PTPN6: variants seen among roughly 807,000 people sequenced by gnomAD.
PTPN6 encodes the protein tyrosine-protein phosphatase non-receptor type 6.
Under a neutral mutation model 81.5 loss-of-function variants are expected in PTPN6, and 18 were observed. The observed-to-expected ratio is 0.22, with a 90% CI of 0.15 to 0.33. The LOEUF (loss-of-function observed/expected upper bound fraction) is 0.33, where lower values mean the gene tolerates loss of function less well. Among genes scored for constraint, PTPN6 ranks in the 10% least tolerant of loss-of-function variants. PTPN6 has a pLI of 1.00. For missense variants in PTPN6, 500 were observed against 794.2 expected (o/e 0.63, Z 4.45); for synonymous variants, 301 against 310.9 (o/e 0.97, Z 0.33).
chr12:6,958,362 G>A (rs781968449), intron 11 of PTPN6, among the ~76,000 whole-genome samples: 184 of 152,328 alleles, frequency 1.2e-3, no homozygotes, highest in African/African-American at 4.0e-3. Context: ...CCCAGTTGCT[G>A]GCCAGGCCCA....
In PTPN6 at chr12:6,960,019, G is replaced by A. The variant is rs1555149427; in HGVS notation, c.1429+25G>A. The A allele has an allele frequency of 3.7e-6, 6 of 1,611,520 alleles. No homozygotes were observed. Among genetic ancestry groups the A allele is most frequent in the Middle Eastern group, 1.8e-4 (1 of 5,598 alleles). ...GGTGAGGGGCACCTGGGGGTTTGGG[G>A]GTGGGGGGTGAGCAGCCCCTCGGTG... On this transcript the variant is annotated intron_variant, in intron 12 of 15. Transcript: ENST00000318974. This position sits in a 1 kb window ranked among gnomAD's most constrained non-coding sequence, Gnocchi z 6.1.
In PTPN6 at chr12:6,960,276, G is replaced by T; in HGVS notation, c.1581+37G>T. ...GCAGGGCCTGGGGGGGGGGGGGGCT[G>T]CAGTGCAGGATGGGTGCCACCTGGC... On this transcript the variant is annotated intron_variant, in intron 13 of 15. Transcript: ENST00000318974. This position sits in a 1 kb window ranked among gnomAD's most constrained non-coding sequence, Gnocchi z 6.1. 2 of 1,605,520 alleles carry T rather than the reference G, an allele frequency of 1.2e-6. No homozygotes were observed. Among genetic ancestry groups the T allele is most frequent in the Non-Finnish European group, 8.5e-7 (1 of 1,177,360 alleles).
Position 6,951,764 on chromosome 12 carries a change from G to C in PTPN6, c.131+33G>C. On this transcript the variant is annotated intron_variant, in intron 2 of 15. Transcript: ENST00000318974. This position sits in a 1 kb window ranked among gnomAD's most constrained non-coding sequence, Gnocchi z 7.2. ...GGCCCCCCGCAACCCCGGGCATTTT[G>C]GCCACTCTCTTGTGCCATCCAGGCC... 6.2e-7 allele frequency: 1 copy of C among 1,607,374 alleles called. No homozygotes were observed. Among genetic ancestry groups the C allele is most frequent in the East Asian group, 2.2e-5 (1 of 44,874 alleles).
chr12:6,957,629 T>TGGCCCCCCCC lies in PTPN6; in HGVS notation c.1075-25_1075-24insGGCCCCCCCC. 1 of 1,521,460 alleles carries TGGCCCCCCCC rather than the reference T, an allele frequency of 6.6e-7. No homozygotes were observed. The highest frequency in any genetic ancestry group is 9.0e-7 in the Non-Finnish European group (1 of 1,105,626). The allele number at this position is 1,521,460 out of a possible 1,614,324, so 94.2% of individuals were successfully genotyped here. A position where few individuals can be genotyped will look rare whatever the true frequency, so the allele number is the denominator to read the frequency against. Reference sequence around the variant, plus strand: ...CCACAGTGCCCTGCTCTGTGCCTCATCCCCACCCGACCCTCCCTTTCCAGA... The same window carrying TGGCCCCCCCC: ...CCACAGTGCCCTGCTCTGTGCCTCATGGCCCCCCCCCCCCACCCGACCCTCCCTTTCCAGA... On this transcript the variant is annotated intron_variant, in intron 9 of 15. Transcript: ENST00000318974. This position sits in a 1 kb window ranked among gnomAD's most constrained non-coding sequence, Gnocchi z 6.5.
chr12:6,948,527 GAAAGA>G (rs1945866059), upstream of PTPN6, among the ~76,000 whole-genome samples: 1 of 138,354 alleles, frequency 7.2e-6, no homozygotes, highest in South Asian at 2.3e-4. Flanking sequence ...CGAGAAAGAA[GAAAGA>G]AAAGGAAGGA....
rs1946093586 is a variant in PTPN6 at position 6,959,672 on chromosome 12, G to T, written c.1362-255G>T. Reference sequence around the variant, plus strand: ...CACTCACTAGGAGTGAGGAGTCGGCGCGAGGAGTGGAGGAGGGAAGGATGG... The same window carrying T: ...CACTCACTAGGAGTGAGGAGTCGGCTCGAGGAGTGGAGGAGGGAAGGATGG... On this transcript the variant is annotated intron_variant, in intron 11 of 15. Coordinates refer to ENST00000318974, the MANE Select transcript of PTPN6 (RefSeq NM_002831.6). This position sits in a 1 kb window ranked among gnomAD's most constrained non-coding sequence, Gnocchi z 6.6. 1 of 587,568 alleles carries T rather than the reference G, an allele frequency of 1.7e-6. No individual in the cohort carries two copies. The highest frequency in any genetic ancestry group is 2.8e-5 in the East Asian group (1 of 35,180). The allele number at this position is 587,568 out of a possible 1,614,324, so 36.4% of individuals were successfully genotyped here.
rs1326097283 is a variant in PTPN6 at position 6,960,877 on chromosome 12, C to T, written c.1745C>T (p.Ser582Leu). 7.0e-6 allele frequency: 11 copies of T among 1,579,726 alleles called. No homozygotes were observed. In the Admixed American group the frequency reaches 1.8e-4, roughly 26 times the overall value. Residue 582 changes from serine (S) to leucine (L), a missense_variant, in exon 15 of 16, where the codon TCA becomes TTA. Around this residue, in one of 6 missense-constraint regions of PTPN6, gnomAD observed 56 missense variants for 56.4 expected, o/e 0.99. Transcript: ENST00000318974. The surrounding 1 kb of genome is among the most constrained non-coding windows in gnomAD (Gnocchi z 6.1). Reference protein sequence around the residue: ...KREEKVKKQRSADKEKSKGSL... With the variant: ...KREEKVKKQRLADKEKSKGSL... ...GAGGAGAAAGTGAAGAAGCAGCGGT[C>T]AGCAGACAAGGAGAAGAGCAAGGGT... is the stretch of plus-strand genomic sequence containing the variant.
upstream of PTPN6, among the ~76,000 whole-genome samples, chr12:6,947,574 T>G (rs371739028): frequency 2.7e-5 from 4 of 147,508 alleles, no homozygotes; most frequent in East Asian, 6.0e-4. Context: ...GAGGCTAAGG[T>G]GAGAGGCTTG....
intron 11 of PTPN6, 111 bp downstream of exon 11, chr12:6,958,184 C>T (rs1264895345): frequency 1.8e-5 from 26 of 1,418,946 alleles, no homozygotes; most frequent in Admixed American, 3.9e-5. Flanking sequence ...GAGTGCCCTC[C>T]GCTCACCCCC....
At position 6,955,785 on chromosome 12, in the gene PTPN6, A is replaced by G; in HGVS notation, c.844+29A>G. The stretch of plus-strand genomic sequence containing the variant: ...AGCACCCAGGCTGCCCCATTCACCC[A>G]GGATACCGCCCCTGCCCCAGCTGCC... On this transcript the variant is annotated intron_variant, in intron 7 of 15. Coordinates refer to ENST00000318974, the MANE Select transcript of PTPN6 (RefSeq NM_002831.6). This position sits in a 1 kb window ranked among gnomAD's most constrained non-coding sequence, Gnocchi z 7.2. 1 of 1,598,706 alleles carries G rather than the reference A, an allele frequency of 6.3e-7. No individual in the cohort carries two copies. Among genetic ancestry groups the G allele is most frequent in the South Asian group, 1.1e-5 (1 of 90,780 alleles).
chr12:6,955,201 C>T lies in PTPN6; in HGVS notation c.567C>T (p.Asp189=). 1.9e-6 allele frequency: 3 copies of T among 1,614,230 alleles called. No individual in the cohort carries two copies. The highest frequency in any genetic ancestry group is 2.5e-6 in the Non-Finnish European group (3 of 1,180,038). The change falls in exon 5 of 16, where the codon GAC becomes GAT. Residue 189 remains aspartate (D), a synonymous_variant. Transcript: ENST00000318974. This position sits in a 1 kb window ranked among gnomAD's most constrained non-coding sequence, Gnocchi z 7.2. ...TGGAGACCTTCGACAGCCTCACGGACCTGGTGGAGCATTTCAAGAAGACGG... is the reference window on the plus strand; with the variant it reads ...TGGAGACCTTCGACAGCCTCACGGATCTGGTGGAGCATTTCAAGAAGACGG... The part of the protein sequence containing the change: ...GGLETFDSLT[D]LVEHFKKTGI...
At chr12:6,958,198 T>C in intron 11 of PTPN6, 125 bp downstream of exon 11, 1 of 1,330,174 alleles carries the variant, frequency 7.5e-7, no homozygotes, top group Non-Finnish European at 1.0e-6. Flanking sequence ...CACCCCCGGC[T>C]TCTCCTGGGT....
upstream of PTPN6, among the ~76,000 whole-genome samples, chr12:6,949,106 G>T (rs1436031244): frequency 2.0e-5 from 3 of 152,262 alleles, no homozygotes; most frequent in Middle Eastern, 6.8e-3. Flanking sequence ...CACCGATGGG[G>T]TTCCTACTGA....
Position 6,960,696 on chromosome 12 carries a change from G to A in PTPN6, c.1674-110G>A, listed in dbSNP as rs111262295. ...AGTCTAGTGCAGGGACCGTGGCTGC[G>A]TCACCTGTGAGACGGGGTGGCCAGA... On this transcript the variant is annotated intron_variant, in intron 14 of 15. Transcript: ENST00000318974. This position sits in a 1 kb window ranked among gnomAD's most constrained non-coding sequence, Gnocchi z 6.1. 778 of 1,551,528 alleles carry A rather than the reference G, an allele frequency of 5.0e-4. 5 individuals are homozygous for A. The African/African-American group carries it at 8.2e-3, about 16-fold the overall frequency.
chr12:6,956,965 T>C lies in PTPN6; in HGVS notation c.1074+397T>C, dbSNP rs1013331538. ...GTGACACAAACTGGGTCAAGTTCCT[T>C]CCTTTCTGAAATCTCTTCCATGGCT... On this transcript the variant is annotated intron_variant, in intron 9 of 15. Transcript: ENST00000318974. This position sits in a 1 kb window ranked among gnomAD's most constrained non-coding sequence, Gnocchi z 4.1. Among the ~76,000 whole-genome samples the C allele has an allele frequency of 2.0e-5, 3 of 152,118 alleles. No individual in the cohort carries two copies. The highest frequency in any genetic ancestry group is 2.9e-5 in the Non-Finnish European group (2 of 68,026).
Position 6,951,819 on chromosome 12 carries a change from C to A in PTPN6, c.131+88C>A. The A allele has an allele frequency of 6.3e-7, 1 of 1,595,326 alleles. No individual in the cohort carries two copies. The highest frequency in any genetic ancestry group is 8.5e-7 in the Non-Finnish European group (1 of 1,174,118). On this transcript the variant is annotated intron_variant, in intron 2 of 15. Coordinates refer to ENST00000318974, the MANE Select transcript of PTPN6 (RefSeq NM_002831.6). The surrounding 1 kb of genome is among the most constrained non-coding windows in gnomAD (Gnocchi z 7.2). ...ACCACTCATTCCTGGTTCCCCGTGGCAGTGCTGACTCCCCGTCTGTTCCCT... is the reference window on the plus strand; with the variant it reads ...ACCACTCATTCCTGGTTCCCCGTGGAAGTGCTGACTCCCCGTCTGTTCCCT...
chr12:6,951,185 C>T (rs782101748), upstream of PTPN6: 66 of 1,353,070 alleles, frequency 4.9e-5, no homozygotes, highest in Non-Finnish European at 6.3e-5. The surrounding 1 kb of genome is among the most constrained non-coding windows in gnomAD (Gnocchi z 7.2). Flanking sequence ...ATGCCATGCT[C>T]CTGAGCCTTT....
Position 6,955,407 on chromosome 12 carries a change from T to C in PTPN6, c.669T>C (p.Ile223=). Residue 223 remains isoleucine, a synonymous_variant, in exon 6 of 16, where the codon ATT becomes ATC. Transcript: ENST00000318974. The surrounding 1 kb of genome is among the most constrained non-coding windows in gnomAD (Gnocchi z 7.2). ...CCACGAGGGTGAATGCGGCTGACAT[T>C]GAGAACCGAGTGTTGGAACTGAACA... ...YYATRVNAAD[I]ENRVLELNKK... 2 of 1,614,004 alleles carry C rather than the reference T, an allele frequency of 1.2e-6. No homozygotes were observed.
rs62621988 is a variant in PTPN6 at position 6,958,063 on chromosome 12, G to C, written c.1351G>C (p.Val451Leu). 5.6e-6 allele frequency: 9 copies of C among 1,611,494 alleles called. No homozygotes were observed. The Admixed American group carries it at 1.5e-4, about 27-fold the overall frequency. ...ESLPHAGPII[V>L]HCSAGIGRTG... ...TCTGCCTCACGCAGGGCCCATCATC[G>C]TGCACTGCAGGTGAGGATGATAATC... The change falls in exon 11 of 16, where the codon GTG (valine) becomes CTG (leucine). Residue 451 changes from valine to leucine, a missense_variant. Val to Leu is a conservative substitution (Grantham distance 32). Coordinates refer to ENST00000318974, the MANE Select transcript of PTPN6 (RefSeq NM_002831.6).
Sources: gnomAD v4.1 joint callset for allele counts (sites outside exome capture counted in the v4.1 genomes callset) on GRCh38, gnomAD v4.1.1 for gene constraint, gnomAD v4.1.1 regional missense constraint, Gnocchi (gnomAD v3.1) non-coding constraint, MANE v1.5 for transcripts, NCBI Gene and HGNC (gene_info 2026-07-23, HGNC 2026-07-21) for gene names.